Variants in VWC2L observed in about 807,000 individuals in gnomAD.
VWC2L encodes von Willebrand factor C domain containing 2 like, also known as von Willebrand factor C domain-containing protein 2-like.
A neutral mutation model predicts 21.6 loss-of-function variants in VWC2L; 10 were observed. That is an observed-to-expected ratio of 0.46 (90% CI 0.29 to 0.78). VWC2L has a LOEUF of 0.78. Ranked by LOEUF, VWC2L falls within the 30% of genes least tolerant of loss-of-function variation. The pLI is 0.10. For missense variants in VWC2L, 209 were observed against 277.1 expected (o/e 0.75, Z 1.74); for synonymous variants, 96 against 94.3 (o/e 1.02, Z -0.10).
At chr2:214,432,780 G>C (rs1417781071) in intron 2 of VWC2L, among the ~76,000 whole-genome samples, 1 of 152,114 alleles carries the variant, frequency 6.6e-6, no homozygotes, top group African/African-American at 2.4e-5. Flanking sequence ...CTAGCACTTT[G>C]GGAGGCCAAG....
intron 3 of VWC2L, among the ~76,000 whole-genome samples, chr2:214,507,272 T>C (rs1235086011): frequency 2.0e-5 from 3 of 152,188 alleles, no homozygotes; most frequent in East Asian, 3.8e-4. Flanking sequence ...AATGATATTA[T>C]CTACCCAGCA....
chr2:214,548,047 C>A (rs1230437894), intron 3 of VWC2L, among the ~76,000 whole-genome samples: 1 of 152,198 alleles, frequency 6.6e-6, no homozygotes, highest in Non-Finnish European at 1.5e-5. Context: ...AATGTGAATT[C>A]TGCCTTCTTC....
chr2:214,459,874 G>A (rs1345598633), intron 3 of VWC2L, among the ~76,000 whole-genome samples: 2 of 101,684 alleles, frequency 2.0e-5, no homozygotes, highest in African/African-American at 7.7e-5. Context: ...CTTTCCTCTT[G>A]TTTCTAGAAT....
At chr2:214,473,055 A>C (rs1370598116) in intron 3 of VWC2L, among the ~76,000 whole-genome samples, 4 of 152,236 alleles carry the variant, frequency 2.6e-5, no homozygotes, top group Non-Finnish European at 5.9e-5. Context: ...TTTTGTGAAC[A>C]GTTTAATGAA....
chr2:214,426,631 G>C (rs939658779), intron 2 of VWC2L, among the ~76,000 whole-genome samples: 7 of 152,168 alleles, frequency 4.6e-5, no homozygotes, highest in Non-Finnish European at 8.8e-5. Context: ...AGAAATTTGT[G>C]CCTTTGTCCT....
At chr2:214,506,965 A>G (rs118063224) in intron 3 of VWC2L, among the ~76,000 whole-genome samples, 1 of 40,102 alleles carries the variant, frequency 2.5e-5, no homozygotes, top group East Asian at 1.9e-3. Context: ...AATTACTGAA[A>G]ATTTTCTAAT....
rs370672274 is a variant in VWC2L at position 214,439,123 on chromosome 2, T to C, written c.520+2365T>C. On this transcript the variant is annotated intron_variant, in intron 3 of 3. Transcript: ENST00000312504. The stretch of plus-strand genomic sequence containing the variant: ...ATAATCATTGCCAAAGAAGAGTATA[T>C]CAAGAACCAATGAAGACACGTATGA... Among the ~76,000 whole-genome samples, 6 of 152,056 alleles carry C rather than the reference T, an allele frequency of 3.9e-5. No individual in the cohort carries two copies. The East Asian group carries it at 1.2e-3, about 29-fold the overall frequency.
intron 2 of VWC2L, 127 bp from the exon 3 acceptor site, chr2:214,436,502 C>A: frequency 8.3e-7 from 1 of 1,212,052 alleles, no homozygotes. Context: ...TGATCGTAGA[C>A]ATGGTAAATG....
chr2:214,518,116 A>G (rs1351302579), intron 3 of VWC2L, among the ~76,000 whole-genome samples: 1 of 152,186 alleles, frequency 6.6e-6, no homozygotes, highest in African/African-American at 2.4e-5. Flanking sequence ...CAGTGAGCCA[A>G]GATCATGCCA....
chr2:214,427,210 G>A (rs1702537260), intron 2 of VWC2L, among the ~76,000 whole-genome samples: 1 of 152,018 alleles, frequency 6.6e-6, no homozygotes, highest in South Asian at 2.1e-4. Context: ...AAATATGACA[G>A]AGAAAAAAAC....
chr2:214,414,762 G>A, intron 2 of VWC2L, 179 bp downstream of exon 2: 1 of 674,916 alleles, frequency 1.5e-6, no homozygotes. Context: ...CTGGTTTGTT[G>A]ATCATATTTG....
chr2:214,474,832 A>G (rs1312774952), intron 3 of VWC2L, among the ~76,000 whole-genome samples: 1 of 152,268 alleles, frequency 6.6e-6, no homozygotes, highest in Admixed American at 6.5e-5. Context: ...AATCCTGGCA[A>G]TGTATTGTGT....
intron 3 of VWC2L, among the ~76,000 whole-genome samples, chr2:214,494,201 T>A (rs999771089): frequency 6.6e-6 from 1 of 152,182 alleles, no homozygotes; most frequent in African/African-American, 2.4e-5. Flanking sequence ...ACACTGTAAA[T>A]TGCTTATCTA....
chr2:214,563,412 T>C (rs141273330), intron 3 of VWC2L, among the ~76,000 whole-genome samples: 2,475 of 151,796 alleles, frequency 0.016, 61 homozygotes, highest in African/African-American at 0.057. Context: ...CCAGGTATGG[T>C]GGCAGGTGCC....
At chr2:214,510,638 T>C (rs1422461480) in intron 3 of VWC2L, among the ~76,000 whole-genome samples, 1 of 152,236 alleles carries the variant, frequency 6.6e-6, no homozygotes, top group Non-Finnish European at 1.5e-5. Flanking sequence ...AACTTAGGAC[T>C]TCTCCTGATC....
At chr2:214,437,079 T>C (rs1344055139) in intron 3 of VWC2L, among the ~76,000 whole-genome samples, 4 of 152,134 alleles carry the variant, frequency 2.6e-5, no homozygotes, top group Non-Finnish European at 2.9e-5. Flanking sequence ...CTCTCTTTTG[T>C]AGAGCCAATG....
At chr2:214,543,560 T>C (rs911501361) in intron 3 of VWC2L, among the ~76,000 whole-genome samples, 2 of 151,926 alleles carry the variant, frequency 1.3e-5, no homozygotes, top group Non-Finnish European at 2.9e-5. Flanking sequence ...TAGAGCACAT[T>C]CCAGAAGAAC....
intron 3 of VWC2L, among the ~76,000 whole-genome samples, chr2:214,448,026 T>C (rs1359169367): frequency 2.6e-5 from 4 of 152,084 alleles, no homozygotes; most frequent in Admixed American, 2.6e-4. Context: ...GTGATCCCCA[T>C]GTGGTTCTAT....
At chr2:214,505,983 C>T (rs557860115) in intron 3 of VWC2L, among the ~76,000 whole-genome samples, 1 of 152,056 alleles carries the variant, frequency 6.6e-6, no homozygotes, top group African/African-American at 2.4e-5. Flanking sequence ...AGATGATTCG[C>T]TTATTTTCAT....
Sources: allele counts gnomAD v4.1 joint callset (sites outside exome capture counted in the v4.1 genomes callset), GRCh38; gene constraint gnomAD v4.1.1; transcripts MANE v1.5; gene names NCBI Gene and HGNC (gene_info 2026-07-23, HGNC 2026-07-21).